The following MTM1 variants were observed in gnomAD, a reference collection of about 807,000 sequenced individuals.
MTM1 encodes the protein myotubularin.
In MTM1, 9 loss-of-function variants were observed where a neutral mutation model predicts 52.1. The observed-to-expected ratio is 0.17, with a 90% CI of 0.10 to 0.30. MTM1 has a LOEUF of 0.30. MTM1 is among the 10% of genes least tolerant of loss of function. The probability of loss-of-function intolerance (pLI) is 1.00; values close to 1 mark genes in which losing one functional copy is unlikely to be tolerated. For synonymous variants in MTM1, 136 were observed against 163.8 expected (o/e 0.83, Z 1.29); for missense variants, 277 against 470.7 (o/e 0.59, Z 3.81).
At chrX:150,671,130 A>G (rs1412423899) in intron 14 of MTM1, among the ~76,000 whole-genome samples, 6 of 111,447 alleles carry the variant, frequency 5.4e-5, no homozygotes, top group African/African-American at 2.0e-4. Flanking sequence ...GACGGGCAAC[A>G]CGGGAGACTG....
chrX:150,657,635 AAAG>A (rs782776727), intron 10 of MTM1, among the ~76,000 whole-genome samples, 183 bp from the exon 11 acceptor site: 81 of 111,694 alleles, frequency 7.3e-4, no homozygotes, highest in African/African-American at 2.5e-3. Context: ...AAAAAGAAGA[AAAG>A]AAAACAAATG....
chrX:150,656,281 A>G (rs1437008618), intron 10 of MTM1, among the ~76,000 whole-genome samples: 2 of 111,774 alleles, frequency 1.8e-5, no homozygotes, highest in African/African-American at 6.5e-5. Flanking sequence ...GTACTGGAGT[A>G]GTGTGGGCTC....
rs782214383 is a variant in MTM1, at chrX:150,671,308, T to C, written c.1645-120T>C. 9.9e-5 allele frequency: 78 copies of C among 789,995 alleles called. 1 individual carries two copies. The highest frequency in any genetic ancestry group is 1.4e-4 in the Non-Finnish European group (72 of 528,915). 65.1% of individuals were successfully genotyped at this position (789,995 alleles called of 1,213,427 possible). ...CAGTAGTTAAGGAAAGTATGTATTA[T>C]GGTAAACTTTGAGTAAAGGGCTTAT... On this transcript the variant is annotated intron_variant, in intron 14 of 14. Coordinates refer to ENST00000370396, the MANE Select transcript of MTM1 (RefSeq NM_000252.3).
intron 14 of MTM1, among the ~76,000 whole-genome samples, chrX:150,670,702 T>C (rs997126593): frequency 3.6e-5 from 4 of 111,635 alleles, no homozygotes; most frequent in Non-Finnish European, 7.5e-5. Flanking sequence ...TCTGGTGAGG[T>C]TGAAAAGACC....
At position 150,598,570 on chromosome X, in the gene MTM1, G is replaced by A. The variant is rs782518289; in HGVS notation, c.137-22G>A. ...TTGGTATCTATTTCCATTATTTTAG[G>A]GTACTTTTTTTATCTTAATAGACAA... On this transcript the variant is annotated intron_variant, in intron 3 of 14. Transcript: ENST00000370396. The A allele has an allele frequency of 8.3e-6, 8 of 966,210 alleles. No homozygotes were observed. In the Admixed American group the frequency reaches 1.6e-4, roughly 19 times the overall value. The allele number at this position is 966,210 out of a possible 1,213,427, so 79.6% of individuals were successfully genotyped here. A position where few individuals can be genotyped will look rare whatever the true frequency, so the allele number is the denominator to read the frequency against.
At chrX:150,654,940 C>T (rs1037252974) in intron 10 of MTM1, among the ~76,000 whole-genome samples, 6 of 111,880 alleles carry the variant, frequency 5.4e-5, no homozygotes, top group Admixed American at 9.5e-5. Flanking sequence ...ATTGTTGATA[C>T]GCATGTGAAA....
intron 14 of MTM1, among the ~76,000 whole-genome samples, chrX:150,669,708 G>C (rs1224019265): frequency 8.9e-6 from 1 of 111,930 alleles, no homozygotes; most frequent in Non-Finnish European, 1.9e-5. Flanking sequence ...CCTACTTTCT[G>C]ATGGGGTTGT....
chrX:150,661,060 C>T (rs944943902), intron 13 of MTM1, among the ~76,000 whole-genome samples: 5 of 111,089 alleles, frequency 4.5e-5, no homozygotes, highest in East Asian at 5.6e-4. Flanking sequence ...GTTTCACTGT[C>T]GCCCAGGCTG....
intron 6 of MTM1, among the ~76,000 whole-genome samples, chrX:150,630,012 A>G (rs1260727112): frequency 2.7e-5 from 3 of 112,450 alleles, no homozygotes; most frequent in Non-Finnish European, 5.6e-5. Context: ...CATTCCATGT[A>G]CTACCTTAAT....
chrX:150,618,953 C>T, intron 5 of MTM1, 85 bp from the exon 6 acceptor site: 1 of 687,693 alleles, frequency 1.5e-6, no homozygotes. Context: ...AGTGAATCTT[C>T]TCCCTTAATT....
chrX:150,612,742 G>C (rs1048787162), intron 4 of MTM1, among the ~76,000 whole-genome samples: 14 of 111,352 alleles, frequency 1.3e-4, no homozygotes, highest in African/African-American at 4.6e-4. Flanking sequence ...CTAGAACTTT[G>C]GGAGGCCGAG....
At position 150,645,934 on chromosome X, in the gene MTM1, A is replaced by T. The variant is rs1291604087; in HGVS notation, c.867+63A>T. On this transcript the variant is annotated intron_variant, in intron 9 of 14. Coordinates refer to ENST00000370396, the MANE Select transcript of MTM1 (RefSeq NM_000252.3). Reference sequence around the variant, plus strand: ...CATATGGAGTGCAGTGTTTTCTGTGAATGTTTTTGCCATGATATAGAAACA... The same window carrying T: ...CATATGGAGTGCAGTGTTTTCTGTGTATGTTTTTGCCATGATATAGAAACA... The T allele has an allele frequency of 2.8e-6, 3 of 1,057,555 alleles. No homozygotes were observed. In the Admixed American group the frequency reaches 6.6e-5, roughly 23 times the overall value. The allele number at this position is 1,057,555 out of a possible 1,213,427, so 87.2% of individuals were successfully genotyped here.
intron 6 of MTM1, among the ~76,000 whole-genome samples, chrX:150,623,154 C>T (rs2039510259): frequency 9.0e-6 from 1 of 110,895 alleles, no homozygotes; most frequent in Non-Finnish European, 1.9e-5. Context: ...TGGGAGAGGC[C>T]ATCTTTTAGG....
intron 1 of MTM1, chrX:150,591,084 A>C: frequency 4.4e-6 from 3 of 684,763 alleles, no homozygotes; most frequent in Non-Finnish European, 5.2e-6. Flanking sequence ...TTTTGTCTGA[A>C]TTTAATTCAT....
chrX:150,595,949 A>G (rs192565495), intron 2 of MTM1, among the ~76,000 whole-genome samples: 1 of 112,351 alleles, frequency 8.9e-6, no homozygotes, highest in African/African-American at 3.2e-5. Context: ...CTTACCTCTT[A>G]TTAGGACAGG....
chrX:150,605,618 G>T (rs2039142894), intron 4 of MTM1, among the ~76,000 whole-genome samples: 2 of 112,458 alleles, frequency 1.8e-5, no homozygotes, highest in South Asian at 7.3e-4. Flanking sequence ...GTGCTTCTGT[G>T]AAGAACTATA....
intron 6 of MTM1, 95 bp downstream of exon 6, chrX:150,619,234 G>A: frequency 1.6e-6 from 1 of 640,912 alleles, no homozygotes. Flanking sequence ...TTTAATGTCT[G>A]TGTTGTGTTT....
At position 150,667,727 on chromosome X, in the gene MTM1, G is replaced by A. The variant is rs909232952; in HGVS notation, c.1645-3701G>A. On this transcript the variant is annotated intron_variant, in intron 14 of 14. Transcript: ENST00000370396. ...AGTCACAGTGATCATAGGGAGAATG[G>A]GATTAAGAGGCTTCTGCAATCCTAT... is the stretch of plus-strand genomic sequence containing the variant. Among the ~76,000 whole-genome samples the A allele has an allele frequency of 4.5e-5, 5 of 112,191 alleles. No individual in the cohort carries two copies. In the Admixed American group the frequency reaches 4.7e-4, roughly 11 times the overall value.
intron 1 of MTM1, chrX:150,590,911 C>T: frequency 3.9e-6 from 1 of 259,017 alleles, no homozygotes; most frequent in Middle Eastern, 2.2e-3. Flanking sequence ...AAAATCTGCC[C>T]CTAATATATA....
Sources: allele counts gnomAD v4.1 joint callset (sites outside exome capture counted in the v4.1 genomes callset), GRCh38; gene constraint gnomAD v4.1.1; transcripts MANE v1.5; gene names NCBI Gene and HGNC (gene_info 2026-07-23, HGNC 2026-07-21).